The following PDSS2 variants were observed in gnomAD, a reference collection of about 807,000 sequenced individuals.
PDSS2 encodes the protein all trans-polyprenyl-diphosphate synthase PDSS2.
PDSS2 carries 31 observed loss-of-function variants against 44.5 expected under a neutral mutation model. That is an observed-to-expected ratio of 0.70 (90% CI 0.52 to 0.94). PDSS2 has a LOEUF of 0.94. Ranked by LOEUF, PDSS2 falls within the 40% of genes least tolerant of loss-of-function variation. PDSS2 has a pLI of 0.00. For synonymous variants in PDSS2, 157 were observed against 180.3 expected (o/e 0.87, Z 1.03); for missense variants, 452 against 482.2 (o/e 0.94, Z 0.59).
chr6:107,455,927 T>A (rs1192436449), intron 1 of PDSS2, among the ~76,000 whole-genome samples: 1 of 152,146 alleles, frequency 6.6e-6, no homozygotes, highest in East Asian at 1.9e-4. Flanking sequence ...TACGCTCTTG[T>A]TTTTATATCC....
At chr6:107,155,142 CTTT>C (rs67631229) in intron 7 of PDSS2, among the ~76,000 whole-genome samples, 23 of 140,512 alleles carry the variant, frequency 1.6e-4, no homozygotes, top group Non-Finnish European at 1.5e-4. Flanking sequence ...ATATTCTTCC[CTTT>C]TTTTTTTTTT....
intron 7 of PDSS2, among the ~76,000 whole-genome samples, chr6:107,168,024 G>T (rs1434119859): frequency 6.6e-6 from 1 of 152,088 alleles, no homozygotes; most frequent in Non-Finnish European, 1.5e-5. Flanking sequence ...TCAATTCCTG[G>T]ATATCCTTAT....
chr6:107,264,218 TG>T (rs1437680319), intron 3 of PDSS2: 16 of 1,172,172 alleles, frequency 1.4e-5, no homozygotes, highest in Admixed American at 7.3e-5. Context: ...ACTATATAGA[TG>T]GTGTAAAGGG....
chr6:107,385,139 T>C (rs1490244907), intron 1 of PDSS2, among the ~76,000 whole-genome samples: 1 of 152,140 alleles, frequency 6.6e-6, no homozygotes, highest in Non-Finnish European at 1.5e-5. Flanking sequence ...GGCCAGTTTC[T>C]TTAGGAAGAG....
intron 3 of PDSS2, among the ~76,000 whole-genome samples, chr6:107,272,972 ACT>A (rs1402616071): frequency 2.6e-5 from 4 of 151,656 alleles, no homozygotes; most frequent in African/African-American, 9.7e-5. Context: ...ATGGAGTATC[ACT>A]CTGTCGCCCA....
chr6:107,393,046 T>C (rs987202344), intron 1 of PDSS2, among the ~76,000 whole-genome samples: 2 of 152,176 alleles, frequency 1.3e-5, no homozygotes, highest in Non-Finnish European at 2.9e-5. Flanking sequence ...TTGTCTTTTA[T>C]TTCACTGATT....
At chr6:107,335,886 C>G (rs764421485) in intron 1 of PDSS2, among the ~76,000 whole-genome samples, 4 of 151,994 alleles carry the variant, frequency 2.6e-5, no homozygotes, top group African/African-American at 4.8e-5. Flanking sequence ...ATTATCAAGG[C>G]TTCCTTGTTG....
At chr6:107,364,510 G>A (rs1270880244) in intron 1 of PDSS2, among the ~76,000 whole-genome samples, 1 of 152,242 alleles carries the variant, frequency 6.6e-6, no homozygotes, top group Non-Finnish European at 1.5e-5. Context: ...CATTGCCCGG[G>A]GCCAGCAGGG....
At chr6:107,168,405 AC>A (rs1445945637) in intron 7 of PDSS2, among the ~76,000 whole-genome samples, 7 of 151,682 alleles carry the variant, frequency 4.6e-5, no homozygotes, top group African/African-American at 1.7e-4. Context: ...AATACAGCAC[AC>A]TGATGGGTCT....
chr6:107,444,514 G>A (rs1226560461), intron 1 of PDSS2, among the ~76,000 whole-genome samples: 2 of 152,138 alleles, frequency 1.3e-5, no homozygotes, highest in Non-Finnish European at 2.9e-5. Flanking sequence ...CAGCAACTGG[G>A]TCTTATTCTT....
chr6:107,224,260 T>C (rs1446898090), intron 4 of PDSS2, among the ~76,000 whole-genome samples: 2 of 151,454 alleles, frequency 1.3e-5, no homozygotes, highest in Admixed American at 1.3e-4. Flanking sequence ...CTCTCCCTGC[T>C]TACTAATAAA....
At chr6:107,386,171 A>G (rs1177992912) in intron 1 of PDSS2, among the ~76,000 whole-genome samples, 1 of 152,160 alleles carries the variant, frequency 6.6e-6, no homozygotes, top group Non-Finnish European at 1.5e-5. Flanking sequence ...TAATTATTTA[A>G]TAGTTATGTA....
chr6:107,211,124 GATAA>G (rs1337789997), intron 5 of PDSS2, among the ~76,000 whole-genome samples: 2 of 151,836 alleles, frequency 1.3e-5, no homozygotes, highest in African/African-American at 4.8e-5. Context: ...AAAAGATTTA[GATAA>G]AGATTTAATA....
chr6:107,285,657 G>C (rs1056124894), intron 2 of PDSS2, among the ~76,000 whole-genome samples: 10 of 152,054 alleles, frequency 6.6e-5, no homozygotes, highest in Non-Finnish European at 1.2e-4. Context: ...TGATATTGGG[G>C]CAATTGGCTA....
chr6:107,167,029 T>G (rs1249571867), intron 7 of PDSS2, among the ~76,000 whole-genome samples: 5 of 152,208 alleles, frequency 3.3e-5, no homozygotes, highest in Non-Finnish European at 5.9e-5. Flanking sequence ...TTTCTATTCA[T>G]TGGAATAGTT....
intron 4 of PDSS2, among the ~76,000 whole-genome samples, chr6:107,225,273 T>C (rs111264699): frequency 4.9e-5 from 7 of 142,330 alleles, no homozygotes; most frequent in African/African-American, 2.0e-4. Flanking sequence ...CCCGGGTTCA[T>C]GTGATTCTCT....
intron 4 of PDSS2, among the ~76,000 whole-genome samples, chr6:107,243,891 G>A (rs1774522889): frequency 6.6e-6 from 1 of 152,218 alleles, no homozygotes; most frequent in Non-Finnish European, 1.5e-5. Flanking sequence ...CACTTTGGGA[G>A]GCTGAGGTGG....
At chr6:107,361,841 AAT>A (rs1778784129) in intron 1 of PDSS2, among the ~76,000 whole-genome samples, 1 of 152,222 alleles carries the variant, frequency 6.6e-6, no homozygotes, top group African/African-American at 2.4e-5. Flanking sequence ...AGAGAAGAAC[AAT>A]ATGAGTTTAA....
intron 2 of PDSS2, among the ~76,000 whole-genome samples, chr6:107,279,795 A>G (rs1775899746): frequency 6.6e-6 from 1 of 152,200 alleles, no homozygotes; most frequent in African/African-American, 2.4e-5. Flanking sequence ...ACTCTCTAGT[A>G]CTGTGCTCTC....
Sources: gnomAD v4.1 joint callset for allele counts (sites outside exome capture counted in the v4.1 genomes callset) on GRCh38, gnomAD v4.1.1 for gene constraint, MANE v1.5 for transcripts, NCBI Gene and HGNC (gene_info 2026-07-23, HGNC 2026-07-21) for gene names.